The following SRRM4 variants were observed in gnomAD, a reference collection of about 807,000 sequenced individuals.
The protein encoded by SRRM4 is serine/arginine repetitive matrix protein 4.
A neutral mutation model predicts 68.9 loss-of-function variants in SRRM4; 33 were observed. The ratio of observed to expected loss-of-function variants is 0.48; its 90% CI spans 0.36 to 0.64. The LOEUF (loss-of-function observed/expected upper bound fraction) is 0.64. Ranked by LOEUF, SRRM4 falls within the 30% of genes least tolerant of loss-of-function variation. The pLI, the probability that SRRM4 is intolerant of heterozygous loss-of-function variation, is 0.00. For missense variants in SRRM4, 817 were observed against 827.1 expected, an observed-to-expected ratio of 0.99 and a Z score of 0.15; for synonymous variants, 318 against 318.8, an observed-to-expected ratio of 1.00 and a Z score of 0.03.
chr12:119,012,438 A>C (rs1413766062), intron 1 of SRRM4, among the ~76,000 whole-genome samples: 1 of 151,936 alleles, frequency 6.6e-6, no homozygotes, highest in Admixed American at 6.6e-5. Flanking sequence ...AACTCTGTGA[A>C]TTCTTCTCTC....
intron 1 of SRRM4, among the ~76,000 whole-genome samples, chr12:119,079,917 A>G (rs932944948): frequency 6.6e-6 from 1 of 151,610 alleles, no homozygotes; most frequent in African/African-American, 2.4e-5. Context: ...GTGATTGGGC[A>G]TTGTAATTAA....
intron 8 of SRRM4, among the ~76,000 whole-genome samples, chr12:119,136,038 T>G (rs1205087269): frequency 6.6e-6 from 1 of 152,178 alleles, no homozygotes; most frequent in African/African-American, 2.4e-5. Flanking sequence ...AAAAAAAGTA[T>G]CCCAATGCTT....
chr12:119,084,120 C>G, intron 1 of SRRM4, among the ~76,000 whole-genome samples: 1 of 152,182 alleles, frequency 6.6e-6, no homozygotes, highest in East Asian at 1.9e-4. Context: ...ATTCATTTGC[C>G]TGAGATCACA....
Position 119,035,097 on chromosome 12 carries a change from A to T in SRRM4, c.131+53084A>T, listed in dbSNP as rs1472434691. Among the ~76,000 whole-genome samples, 5 of 152,124 alleles carry T rather than the reference A, an allele frequency of 3.3e-5. No homozygotes were observed. In the East Asian group the frequency reaches 9.6e-4, roughly 29 times the overall value. On this transcript the variant is annotated intron_variant, in intron 1 of 12. Transcript: ENST00000267260. ...CTTGGCCACAGTATATTCTTGAATA[A>T]TTTTTTTCAGAGTGTATAAATTAAA... is the stretch of plus-strand genomic sequence containing the variant.
chr12:119,042,981 G>A (rs1160860611), intron 1 of SRRM4, among the ~76,000 whole-genome samples: 2 of 152,102 alleles, frequency 1.3e-5, no homozygotes, highest in East Asian at 3.9e-4. Flanking sequence ...GAGACAGTGT[G>A]GCAATTCCTC....
chr12:119,011,314 T>G (rs1014337981), intron 1 of SRRM4, among the ~76,000 whole-genome samples: 20 of 152,226 alleles, frequency 1.3e-4, no homozygotes, highest in Non-Finnish European at 1.3e-4. Context: ...TACTGACATT[T>G]AGGGCCAGCC....
At chr12:119,002,958 C>T (rs985107167) in intron 1 of SRRM4, among the ~76,000 whole-genome samples, 2 of 150,450 alleles carry the variant, frequency 1.3e-5, no homozygotes, top group Non-Finnish European at 3.0e-5. Context: ...AACCTCGCAA[C>T]CACCCTTTAA....
intron 1 of SRRM4, among the ~76,000 whole-genome samples, chr12:119,048,751 C>G (rs1460458920): frequency 6.6e-6 from 1 of 152,090 alleles, no homozygotes; most frequent in Admixed American, 6.6e-5. Context: ...ATGGAGAAAC[C>G]CTTTCTCTAC....
intron 8 of SRRM4, among the ~76,000 whole-genome samples, chr12:119,131,938 G>T (rs1482164363): frequency 6.6e-6 from 1 of 152,166 alleles, no homozygotes; most frequent in Non-Finnish European, 1.5e-5. Flanking sequence ...AAAAGTTCAG[G>T]GGTGCTTGTG....
In SRRM4 at chr12:119,157,017, T is replaced by A; in HGVS notation, c.*219T>A. Reference sequence around the variant, plus strand: ...ATCATCCTGGGGCCCAGCTCAGGCCTGGGCATATGGAAAGAACCATCATCT... The same window carrying A: ...ATCATCCTGGGGCCCAGCTCAGGCCAGGGCATATGGAAAGAACCATCATCT... On this transcript the variant is annotated 3_prime_UTR_variant, in exon 13 of 13. Transcript: ENST00000267260. This position sits in a 1 kb window ranked among gnomAD's most constrained non-coding sequence, Gnocchi z 4.1. 1 of 532,654 alleles carries A rather than the reference T, an allele frequency of 1.9e-6. No homozygotes were observed. Among genetic ancestry groups the A allele is most frequent in the Non-Finnish European group, 3.2e-6 (1 of 311,868 alleles). 33.0% of individuals were successfully genotyped at this position (532,654 alleles called of 1,614,324 possible).
chr12:119,081,250 G>A (rs995585977), intron 1 of SRRM4, among the ~76,000 whole-genome samples: 11 of 152,200 alleles, frequency 7.2e-5, no homozygotes, highest in Admixed American at 6.5e-5. Flanking sequence ...AATAAAGCAG[G>A]AGGAGAGAAA....
intron 2 of SRRM4, among the ~76,000 whole-genome samples, chr12:119,104,571 G>T (rs1250480735): frequency 6.6e-6 from 1 of 151,910 alleles, no homozygotes; most frequent in Non-Finnish European, 1.5e-5. Context: ...ACCTAAGTCA[G>T]CTCCTTTATT....
At chr12:119,007,991 T>C (rs1953426018) in intron 1 of SRRM4, among the ~76,000 whole-genome samples, 1 of 152,162 alleles carries the variant, frequency 6.6e-6, no homozygotes, top group African/African-American at 2.4e-5. Flanking sequence ...AGATCTAACT[T>C]GTCAGGCCAT....
In SRRM4 at chr12:119,160,689, G is replaced by C. The variant is rs533336866; in HGVS notation, c.*3891G>C. 60 of 152,326 alleles carry C rather than the reference G, an allele frequency of 3.9e-4. No homozygotes were observed. Among genetic ancestry groups the C allele is most frequent in the African/African-American group, 1.4e-3 (59 of 41,570 alleles). The allele number at this position is 152,326 out of a possible 1,614,324, so 9.4% of individuals were successfully genotyped here. A position where few individuals can be genotyped will look rare whatever the true frequency, so the allele number is the denominator to read the frequency against. On this transcript the variant is annotated 3_prime_UTR_variant, in exon 13 of 13. Coordinates refer to ENST00000267260, the MANE Select transcript of SRRM4 (RefSeq NM_194286.4). ...CGACCTCTGTTAAGTGGAGGGATTT[G>C]TGAGATAAAAATTCAAAATGTTGGC...
At chr12:119,146,759 AC>A (rs1447723865) in intron 9 of SRRM4, among the ~76,000 whole-genome samples, 1 of 152,044 alleles carries the variant, frequency 6.6e-6, no homozygotes, top group African/African-American at 2.4e-5. Flanking sequence ...ACACAGTGAA[AC>A]CCCGTCTCTA....
chr12:119,003,286 C>T (rs1398493567), intron 1 of SRRM4, among the ~76,000 whole-genome samples: 2 of 151,742 alleles, frequency 1.3e-5, no homozygotes, highest in East Asian at 2.0e-4. Flanking sequence ...CCGCCACCAG[C>T]GTCATCCAAT....
At chr12:119,140,220 C>CAA (rs112869001) in intron 8 of SRRM4, among the ~76,000 whole-genome samples, 2 of 151,538 alleles carry the variant, frequency 1.3e-5, no homozygotes, top group Non-Finnish European at 2.9e-5. Context: ...ACTAAAAATA[C>CAA]AAAAAAAATT....
At chr12:119,046,422 T>C (rs1383586806) in intron 1 of SRRM4, among the ~76,000 whole-genome samples, 1 of 152,196 alleles carries the variant, frequency 6.6e-6, no homozygotes. Context: ...AACCTTAACA[T>C]CTCTGCATTT....
chr12:119,108,493 G>A (rs1954121001), intron 2 of SRRM4, among the ~76,000 whole-genome samples: 1 of 152,102 alleles, frequency 6.6e-6, no homozygotes, highest in African/African-American at 2.4e-5. Context: ...TTGAATCTGG[G>A]TGCTCCTGTA....
Sources: gnomAD v4.1 joint callset for allele counts (sites outside exome capture counted in the v4.1 genomes callset) on GRCh38, gnomAD v4.1.1 for gene constraint, Gnocchi (gnomAD v3.1) non-coding constraint, MANE v1.5 for transcripts, NCBI Gene and HGNC (gene_info 2026-07-23, HGNC 2026-07-21) for gene names.